The following RBPJ variants were observed in gnomAD, a reference collection of about 807,000 sequenced individuals.
The protein encoded by RBPJ is recombination signal binding protein for immunoglobulin kappa J region, also known as recombining binding protein suppressor of hairless.
In RBPJ, 9 loss-of-function variants were observed where a neutral mutation model predicts 67.8. That is an observed-to-expected ratio of 0.13 (90% confidence interval 0.08 to 0.23). The LOEUF (loss-of-function observed/expected upper bound fraction) is 0.23, where lower values mean the gene tolerates loss of function less well. Ranked by LOEUF, RBPJ falls within the 10% of genes least tolerant of loss-of-function variation. The pLI, the probability that RBPJ is intolerant of heterozygous loss-of-function variation, is 1.00. For synonymous variants in RBPJ, 198 were observed against 203.3 expected, an observed-to-expected ratio of 0.97 and a Z score of 0.22; for missense variants, 305 against 595.6, an observed-to-expected ratio of 0.51 and a Z score of 5.08.
chr4:26,279,138 ATTTG>A (rs1430325212), intron 1 of RBPJ, among the ~76,000 whole-genome samples: 3 of 152,276 alleles, frequency 2.0e-5, no homozygotes, highest in East Asian at 3.9e-4. Context: ...AATGTTAACT[ATTTG>A]TTTGAAGAAA....
the RBPJ span, among the ~76,000 whole-genome samples, chr4:26,140,647 A>C: frequency 1.8e-5 from 1 of 55,386 alleles, no homozygotes; most frequent in Non-Finnish European, 3.3e-5. Context: ...CCCAAATCAC[A>C]TTGCCTCTGA....
chr4:26,320,015 G>T (rs571622771), upstream of RBPJ: 1 of 758,548 alleles, frequency 1.3e-6, no homozygotes, highest in East Asian at 2.7e-5. Flanking sequence ...CAGCGTCCTC[G>T]GCTGTGCCAG....
At chr4:26,387,721 T>C (rs1023025524) in intron 2 of RBPJ, among the ~76,000 whole-genome samples, 4 of 152,134 alleles carry the variant, frequency 2.6e-5, no homozygotes, top group Non-Finnish European at 5.9e-5. Context: ...GTAAGAAAAC[T>C]ACTCCGTGGT....
chr4:26,351,476 G>C (rs988617250), intron 1 of RBPJ, among the ~76,000 whole-genome samples: 1 of 152,134 alleles, frequency 6.6e-6, no homozygotes, highest in Non-Finnish European at 1.5e-5. Flanking sequence ...TGCCTTGCAG[G>C]CTCAGGCAAT....
intron 1 of RBPJ, among the ~76,000 whole-genome samples, chr4:26,249,517 C>T (rs956768706): frequency 1.6e-4 from 25 of 151,760 alleles, no homozygotes; most frequent in Admixed American, 3.9e-4. Context: ...AAAAATTAGC[C>T]GGGCATGGTG....
At chr4:26,369,678 C>A (rs888294426) in intron 1 of RBPJ, among the ~76,000 whole-genome samples, 1 of 152,204 alleles carries the variant, frequency 6.6e-6, no homozygotes, top group Non-Finnish European at 1.5e-5. Context: ...TTGGGGCTGA[C>A]CAGATTTGGT....
chr4:26,158,032 T>A, the RBPJ span, among the ~76,000 whole-genome samples: 3 of 152,226 alleles, frequency 2.0e-5, no homozygotes, highest in Non-Finnish European at 4.4e-5. Context: ...CAGAGAATCA[T>A]GAGCAAGTAA....
At chr4:26,240,704 G>T (rs901628802) in intron 1 of RBPJ, among the ~76,000 whole-genome samples, 5 of 152,148 alleles carry the variant, frequency 3.3e-5, no homozygotes, top group African/African-American at 1.2e-4. Flanking sequence ...TTTAATGTTA[G>T]ATAGACCTTT....
intron 1 of RBPJ, among the ~76,000 whole-genome samples, chr4:26,174,056 T>C (rs1468714149): frequency 6.6e-6 from 1 of 152,238 alleles, no homozygotes; most frequent in Non-Finnish European, 1.5e-5. Context: ...AGGACGCACT[T>C]ACCATTTAGT....
At chr4:26,276,321 T>C (rs917404100) in intron 1 of RBPJ, among the ~76,000 whole-genome samples, 5 of 150,844 alleles carry the variant, frequency 3.3e-5, no homozygotes, top group Admixed American at 1.3e-4. Context: ...TACATAAAGC[T>C]GTTGTAAATT....
At chr4:26,229,942 A>G (rs937335048) in intron 1 of RBPJ, among the ~76,000 whole-genome samples, 1 of 152,156 alleles carries the variant, frequency 6.6e-6, no homozygotes, top group Non-Finnish European at 1.5e-5. Context: ...TAATCCTAGC[A>G]CTTTGGGAGG....
At chr4:26,208,882 A>G (rs1464467176) in intron 1 of RBPJ, among the ~76,000 whole-genome samples, 3 of 152,132 alleles carry the variant, frequency 2.0e-5, no homozygotes, top group Non-Finnish European at 4.4e-5. Context: ...TTTAGCCCTA[A>G]CCTAGGGTGG....
intron 1 of RBPJ, among the ~76,000 whole-genome samples, chr4:26,303,137 C>T (rs1410324694): frequency 6.6e-6 from 1 of 150,548 alleles, no homozygotes; most frequent in East Asian, 1.9e-4. Flanking sequence ...GCTGAGATCA[C>T]ACCACTGCAC....
intron 2 of RBPJ, among the ~76,000 whole-genome samples, chr4:26,392,720 C>T (rs1731642308): frequency 6.6e-6 from 1 of 152,040 alleles, no homozygotes; most frequent in Non-Finnish European, 1.5e-5. Context: ...TTGTGAATAC[C>T]TTTATTTTGA....
At chr4:26,327,939 TGTA>T (rs1201796246) in intron 1 of RBPJ, among the ~76,000 whole-genome samples, 1 of 152,198 alleles carries the variant, frequency 6.6e-6, no homozygotes, top group African/African-American at 2.4e-5. Flanking sequence ...AATGTAATAT[TGTA>T]GTTTTTTTAA....
chr4:26,219,949 T>C (rs911622585), intron 1 of RBPJ, among the ~76,000 whole-genome samples: 4 of 151,940 alleles, frequency 2.6e-5, no homozygotes, highest in Non-Finnish European at 5.9e-5. Flanking sequence ...CTAATTTTTT[T>C]TTTTTTTGTA....
chr4:26,290,200 A>G (rs1721620707), intron 1 of RBPJ, among the ~76,000 whole-genome samples: 1 of 148,434 alleles, frequency 6.7e-6, no homozygotes, highest in South Asian at 2.1e-4. Context: ...TTAGCTGGGC[A>G]TGGTGGTACA....
chr4:26,341,896 T>C (rs1398503181), intron 1 of RBPJ, among the ~76,000 whole-genome samples: 2 of 151,966 alleles, frequency 1.3e-5, no homozygotes, highest in Non-Finnish European at 2.9e-5. Flanking sequence ...AAGGTAAAAA[T>C]TGAGACAAGA....
the RBPJ span, among the ~76,000 whole-genome samples, chr4:26,110,026 A>G: frequency 6.6e-6 from 1 of 152,090 alleles, no homozygotes; most frequent in Non-Finnish European, 1.5e-5. This position sits in a 1 kb window ranked among gnomAD's most constrained non-coding sequence, Gnocchi z 4.5. Flanking sequence ...TTCAAACATT[A>G]AGGAGATCCA....
Sources: gnomAD v4.1 joint callset for allele counts (sites outside exome capture counted in the v4.1 genomes callset) on GRCh38, gnomAD v4.1.1 for gene constraint, Gnocchi (gnomAD v3.1) non-coding constraint, MANE v1.5 for transcripts, NCBI Gene and HGNC (gene_info 2026-07-23, HGNC 2026-07-21) for gene names.